Variants in RAB38 observed in about 807,000 individuals in gnomAD.
The protein encoded by RAB38 is RAB38, member RAS oncogene family.
In RAB38, 15 loss-of-function variants were observed where a neutral mutation model predicts 18.4. That is an observed-to-expected ratio of 0.82 (90% CI 0.55 to 1.26). The LOEUF (loss-of-function observed/expected upper bound fraction) is 1.26. Among genes scored for constraint, RAB38 ranks in the 50% most tolerant of loss-of-function variants. The probability of loss-of-function intolerance (pLI) is 0.00; values close to 1 mark genes in which losing one functional copy is unlikely to be tolerated. For missense variants in RAB38, 294 were observed against 267.4 expected, an observed-to-expected ratio of 1.10 and a Z score of -0.69; for synonymous variants, 101 against 104.4, an observed-to-expected ratio of 0.97 and a Z score of 0.20.
chr11:87,890,592 C>T, the RAB38 span, among the ~76,000 whole-genome samples: 2 of 151,106 alleles, frequency 1.3e-5, no homozygotes, highest in Non-Finnish European at 1.5e-5. Flanking sequence ...TTTTTATCAA[C>T]TGTTGTATTT....
chr11:87,958,164 G>A, the RAB38 span, among the ~76,000 whole-genome samples: 2 of 152,088 alleles, frequency 1.3e-5, no homozygotes, highest in Non-Finnish European at 2.9e-5. Flanking sequence ...GCAATTACAA[G>A]GGCAAACAAC....
chr11:88,104,288 G>A, the RAB38 span, among the ~76,000 whole-genome samples: 2 of 137,972 alleles, frequency 1.4e-5, no homozygotes, highest in Admixed American at 1.5e-4. Flanking sequence ...ATTTTCTTAC[G>A]TTAAATGTCC....
At chr11:87,898,480 A>G in the RAB38 span, among the ~76,000 whole-genome samples, 2 of 151,636 alleles carry the variant, frequency 1.3e-5, no homozygotes, top group Non-Finnish European at 3.0e-5. Context: ...TAAAATTAGT[A>G]TCTGCTCCCC....
At chr11:87,906,712 T>C in the RAB38 span, among the ~76,000 whole-genome samples, 1 of 151,978 alleles carries the variant, frequency 6.6e-6, no homozygotes, top group African/African-American at 2.4e-5. Flanking sequence ...TGATCAATTT[T>C]CATATGTACT....
the RAB38 span, among the ~76,000 whole-genome samples, chr11:88,029,752 G>A: frequency 2.0e-5 from 3 of 152,028 alleles, no homozygotes; most frequent in South Asian, 6.2e-4. Flanking sequence ...GACCTACAAA[G>A]AGACTTAGAC....
the RAB38 span, among the ~76,000 whole-genome samples, chr11:87,865,670 G>A: frequency 2.6e-5 from 4 of 151,422 alleles, no homozygotes; most frequent in South Asian, 2.1e-4. Flanking sequence ...CAAGAAAGGA[G>A]GACATGAAGA....
the RAB38 span, among the ~76,000 whole-genome samples, chr11:87,887,741 A>G: frequency 6.6e-6 from 1 of 151,978 alleles, no homozygotes; most frequent in Non-Finnish European, 1.5e-5. Context: ...AGCTAAAGGA[A>G]AAAGGCAAAT....
chr11:87,943,093 A>G, the RAB38 span, among the ~76,000 whole-genome samples: 1 of 151,876 alleles, frequency 6.6e-6, no homozygotes, highest in Non-Finnish European at 1.5e-5. Context: ...AGAAATCAGG[A>G]TAAGGGAAAT....
At chr11:88,130,633 C>T (rs1942755528) in intron 2 of RAB38, among the ~76,000 whole-genome samples, 1 of 152,154 alleles carries the variant, frequency 6.6e-6, no homozygotes, top group Non-Finnish European at 1.5e-5. Context: ...AATGTCCCTG[C>T]TGACAAGGTG....
the RAB38 span, among the ~76,000 whole-genome samples, chr11:88,068,373 G>A: frequency 6.6e-6 from 1 of 151,876 alleles, no homozygotes; most frequent in Admixed American, 6.6e-5. Context: ...CTAATCTTAG[G>A]TAATAGAAAT....
At chr11:88,044,887 A>G in the RAB38 span, among the ~76,000 whole-genome samples, 1 of 151,874 alleles carries the variant, frequency 6.6e-6, no homozygotes, top group Non-Finnish European at 1.5e-5. Flanking sequence ...CCACCACCCT[A>G]TAATCCTTTA....
intron 2 of RAB38, among the ~76,000 whole-genome samples, chr11:88,142,647 C>G (rs1254286104): frequency 2.0e-5 from 3 of 152,206 alleles, no homozygotes; most frequent in African/African-American, 7.2e-5. Flanking sequence ...CTGAAGACTC[C>G]TGAAGCCAGG....
At chr11:87,928,896 T>G in the RAB38 span, among the ~76,000 whole-genome samples, 1 of 152,052 alleles carries the variant, frequency 6.6e-6, no homozygotes, top group Non-Finnish European at 1.5e-5. Context: ...AGGCGGATCA[T>G]TTGAGATCAG....
the RAB38 span, among the ~76,000 whole-genome samples, chr11:88,027,631 G>C: frequency 6.6e-6 from 1 of 152,212 alleles, no homozygotes; most frequent in African/African-American, 2.4e-5. Context: ...TAGCACAGCA[G>C]TCTGAGATCA....
chr11:88,121,000 A>T (rs1488705483), intron 2 of RAB38, among the ~76,000 whole-genome samples: 1 of 152,220 alleles, frequency 6.6e-6, no homozygotes, highest in Non-Finnish European at 1.5e-5. Flanking sequence ...GCCTAGCATC[A>T]CACAGGCTAC....
chr11:88,162,625 C>T (rs1316438845), intron 1 of RAB38, among the ~76,000 whole-genome samples: 3 of 151,942 alleles, frequency 2.0e-5, no homozygotes, highest in African/African-American at 7.3e-5. Flanking sequence ...AAATTTAATC[C>T]CTATAATTTT....
At chr11:88,052,405 T>C in the RAB38 span, among the ~76,000 whole-genome samples, 1 of 152,136 alleles carries the variant, frequency 6.6e-6, no homozygotes, top group African/African-American at 2.4e-5. Flanking sequence ...CTGAAAACCT[T>C]CCAAATATTT....
At chr11:88,117,035 C>A (rs536814154) in intron 2 of RAB38, among the ~76,000 whole-genome samples, 4 of 152,080 alleles carry the variant, frequency 2.6e-5, no homozygotes, top group African/African-American at 9.7e-5. Context: ...AAATTGTTTG[C>A]GAGTTTTAAC....
chr11:87,958,602 G>A, the RAB38 span, among the ~76,000 whole-genome samples: 1 of 152,142 alleles, frequency 6.6e-6, no homozygotes, highest in Non-Finnish European at 1.5e-5. Context: ...GAAGGAAGTA[G>A]ACAGCAAGAA....
Sources: allele counts gnomAD v4.1 joint callset (sites outside exome capture counted in the v4.1 genomes callset), GRCh38; gene constraint gnomAD v4.1.1; transcripts MANE v1.5; gene names NCBI Gene and HGNC (gene_info 2026-07-23, HGNC 2026-07-21).